The following ALKBH8 variants were observed in gnomAD, a reference collection of about 807,000 sequenced individuals.
The protein encoded by ALKBH8 is tRNA (carboxymethyluridine(34)-5-O)-methyltransferase ALKBH8.
Under a neutral mutation model 59.8 loss-of-function variants are expected in ALKBH8, and 36 were observed. The observed-to-expected ratio is 0.60, with a 90% CI of 0.46 to 0.79. ALKBH8 has a LOEUF of 0.79. Among genes scored for constraint, ALKBH8 ranks in the 30% least tolerant of loss-of-function variants. The pLI, the probability that ALKBH8 is intolerant of heterozygous loss-of-function variation, is 0.00. For missense variants in ALKBH8, 768 were observed against 801.0 expected, an observed-to-expected ratio of 0.96 and a Z score of 0.50; for synonymous variants, 276 against 273.6, an observed-to-expected ratio of 1.01 and a Z score of -0.09.
intron 1 of ALKBH8, chr11:107,563,681 T>G (rs1298197533): frequency 6.6e-6 from 1 of 152,216 alleles, no homozygotes; most frequent in African/African-American, 2.4e-5. Flanking sequence ...CAGTATGTCA[T>G]GGAGAACAAG....
At chr11:107,554,265 A>G (rs1036063648) in intron 3 of ALKBH8, among the ~76,000 whole-genome samples, 34 of 152,230 alleles carry the variant, frequency 2.2e-4, no homozygotes, top group Non-Finnish European at 4.6e-4. Context: ...AAGGTTTCTC[A>G]TAATATCCAC....
chr11:107,506,804 G>C (rs563425734), intron 11 of ALKBH8, among the ~76,000 whole-genome samples: 3 of 152,206 alleles, frequency 2.0e-5, no homozygotes, highest in Middle Eastern at 3.4e-3. Context: ...AGAACTCTTC[G>C]AGCAAAAGAA....
At chr11:107,545,191 G>A (rs944629856) in intron 7 of ALKBH8, among the ~76,000 whole-genome samples, 5 of 152,122 alleles carry the variant, frequency 3.3e-5, no homozygotes, top group African/African-American at 4.8e-5. Flanking sequence ...GTATGTCTGC[G>A]GTCCAGACTG....
At chr11:107,530,200 A>G (rs1232230011) in intron 8 of ALKBH8, among the ~76,000 whole-genome samples, 3 of 152,210 alleles carry the variant, frequency 2.0e-5, no homozygotes, top group Non-Finnish European at 4.4e-5. Flanking sequence ...GTTTACCCCT[A>G]TGCTGCCCGT....
At chr11:107,526,353 T>A (rs1041108172) in intron 8 of ALKBH8, among the ~76,000 whole-genome samples, 1 of 152,012 alleles carries the variant, frequency 6.6e-6, no homozygotes, top group Non-Finnish European at 1.5e-5. Flanking sequence ...TAAGTTATTA[T>A]TTATCTAATG....
chr11:107,554,501 G>A (rs1270163074), intron 3 of ALKBH8, among the ~76,000 whole-genome samples: 2 of 152,054 alleles, frequency 1.3e-5, no homozygotes, highest in African/African-American at 2.4e-5. Flanking sequence ...GTCCTTCAAA[G>A]TTTCAGATAG....
chr11:107,522,379 C>G lies in ALKBH8; in HGVS notation c.1207G>C (p.Ala403Pro), dbSNP rs371011851. 62 of 1,551,716 alleles carry G rather than the reference C, an allele frequency of 4.0e-5. No individual in the cohort carries two copies. The African/African-American group carries it at 8.2e-4, about 21-fold the overall frequency. ...PWPHIVEFLK[A>P]LPSGSIVADI... The stretch of plus-strand genomic sequence containing the variant: ...GCCACTATTGAACCACTTGGCAAAG[C>G]CTTCAAAAACTCCACAATGTGCGGC... The change falls in exon 10 of 12, where the codon GCT (alanine) becomes CCT (proline). Residue 403 changes from alanine to proline, a missense_variant. Ala to Pro is a conservative substitution (Grantham distance 27). Coordinates refer to ENST00000428149, the MANE Select transcript of ALKBH8 (RefSeq NM_138775.3).
At chr11:107,516,852 C>T (rs1862884227) in intron 10 of ALKBH8, among the ~76,000 whole-genome samples, 1 of 152,070 alleles carries the variant, frequency 6.6e-6, no homozygotes, top group African/African-American at 2.4e-5. Context: ...ATGGCAAAAC[C>T]TCATCTCTAC....
chr11:107,553,698 C>A, intron 4 of ALKBH8, 149 bp downstream of exon 4: 3 of 771,112 alleles, frequency 3.9e-6, no homozygotes, highest in South Asian at 2.1e-5. Flanking sequence ...ATTAATGTTC[C>A]TAAGAATTGT....
chr11:107,513,820 A>AT (rs1230047517), intron 10 of ALKBH8, among the ~76,000 whole-genome samples: 5 of 152,194 alleles, frequency 3.3e-5, no homozygotes, highest in African/African-American at 1.2e-4. Flanking sequence ...GTTTTCACGT[A>AT]TAAGTAAGAG....
rs371431984 is a variant in ALKBH8, at chr11:107,522,367, C to T, written c.1219G>A (p.Gly407Ser). Residue 407 changes from glycine to serine, a missense_variant, in exon 10 of 12, where the codon GGT becomes AGT. Transcript: ENST00000428149. The stretch of plus-strand genomic sequence containing the variant: ...CATCCAATATCAGCCACTATTGAAC[C>T]ACTTGGCAAAGCCTTCAAAAACTCC... ...IVEFLKALPS[G>S]SIVADIGCGN... The T allele has an allele frequency of 1.3e-6, 2 of 1,551,596 alleles. No individual in the cohort carries two copies. Among genetic ancestry groups the T allele is most frequent in the South Asian group, 1.2e-5 (1 of 84,068 alleles).
At chr11:107,528,813 T>C (rs1863456107) in intron 8 of ALKBH8, among the ~76,000 whole-genome samples, 1 of 152,100 alleles carries the variant, frequency 6.6e-6, no homozygotes, top group South Asian at 2.1e-4. Context: ...CAATATTCAA[T>C]AAGAATATAA....
At chr11:107,523,526 G>A (rs1863217937) in intron 9 of ALKBH8, among the ~76,000 whole-genome samples, 1 of 151,984 alleles carries the variant, frequency 6.6e-6, no homozygotes, top group Admixed American at 6.6e-5. Flanking sequence ...ATAAGTCCCA[G>A]GGATCTAGTG....
intron 5 of ALKBH8, among the ~76,000 whole-genome samples, chr11:107,552,214 CTTT>C (rs1319840556): frequency 6.6e-6 from 1 of 151,144 alleles, no homozygotes; most frequent in Non-Finnish European, 1.5e-5. Flanking sequence ...TGTCCACTTT[CTTT>C]TTTTGTTATT....
At position 107,565,596 on chromosome 11, in the gene ALKBH8, C is replaced by T; in HGVS notation, c.-7+5G>A. 1 of 1,535,750 alleles carries T rather than the reference C, an allele frequency of 6.5e-7. No individual in the cohort carries two copies. ...GTATGCCCGCCAGTAAGAAGTGCCA[C>T]ACACCTCCGCTTCGGCTCAGGCCGG... On this transcript the variant is annotated splice_donor_5th_base_variant and intron_variant, in intron 1 of 11. Transcript: ENST00000428149.
At chr11:107,508,349 T>G (rs997548017) in intron 11 of ALKBH8, among the ~76,000 whole-genome samples, 7 of 152,096 alleles carry the variant, frequency 4.6e-5, no homozygotes, top group Admixed American at 1.3e-4. Flanking sequence ...ACTTTTGTAT[T>G]TTTAGTAAAG....
At position 107,535,602 on chromosome 11, in the gene ALKBH8, T is replaced by C. The variant is rs116460848; in HGVS notation, c.772-3196A>G. Among the ~76,000 whole-genome samples the C allele has an allele frequency of 6.6e-3, 1,005 of 152,130 alleles. 9 individuals are homozygous for C. Among genetic ancestry groups the C allele is most frequent in the African/African-American group, 0.022 (918 of 41,478 alleles). On this transcript the variant is annotated intron_variant, in intron 7 of 11. Transcript: ENST00000428149. ...GTCCTTAGCCCATTTTTTGATATGA[T>C]TGTTTGTTTTTTTCTCACTGATTGA...
chr11:107,514,031 C>T (rs1448292280), intron 10 of ALKBH8, among the ~76,000 whole-genome samples: 1 of 151,966 alleles, frequency 6.6e-6, no homozygotes, highest in Non-Finnish European at 1.5e-5. Flanking sequence ...CACATGTACG[C>T]TTGAACCTAA....
chr11:107,543,333 T>A (rs1864123994), intron 7 of ALKBH8, among the ~76,000 whole-genome samples: 1 of 150,834 alleles, frequency 6.6e-6, no homozygotes, highest in South Asian at 2.1e-4. Flanking sequence ...AGACTTCGTC[T>A]CAAAAAAAAA....
Sources: allele counts gnomAD v4.1 joint callset (sites outside exome capture counted in the v4.1 genomes callset), GRCh38; gene constraint gnomAD v4.1.1; transcripts MANE v1.5; gene names NCBI Gene and HGNC (gene_info 2026-07-23, HGNC 2026-07-21).